Variants in ERBB4 observed in about 807,000 individuals in gnomAD.
ERBB4 encodes the protein receptor tyrosine-protein kinase erbB-4.
Under a neutral mutation model 158.0 loss-of-function variants are expected in ERBB4, and 42 were observed. The ratio of observed to expected loss-of-function variants is 0.27; its 90% CI spans 0.21 to 0.34. The LOEUF (loss-of-function observed/expected upper bound fraction) is 0.34, where lower values mean the gene tolerates loss of function less well. ERBB4 is among the 10% of genes least tolerant of loss of function. The probability of loss-of-function intolerance (pLI) is 1.00; values close to 1 mark genes in which losing one functional copy is unlikely to be tolerated. For synonymous variants in ERBB4, 583 were observed against 558.7 expected, an observed-to-expected ratio of 1.04 and a Z score of -0.61; for missense variants, 1,333 against 1,624.1, an observed-to-expected ratio of 0.82 and a Z score of 3.08.
At chr2:211,745,715 G>GAAAAAAAAAAAAAAAGAAAAAAAAA (rs776012647) in intron 5 of ERBB4, among the ~76,000 whole-genome samples, 1 of 94,394 alleles carries the variant, frequency 1.1e-5, no homozygotes. Context: ...TCCACCGCCA[G>GAAAAAAAAAAAAAAAGAAAAAAAAA]AAAAAAAACA....
At chr2:212,468,252 GT>G (rs1418527196) in intron 1 of ERBB4, among the ~76,000 whole-genome samples, 3 of 152,236 alleles carry the variant, frequency 2.0e-5, no homozygotes, top group South Asian at 2.1e-4. Flanking sequence ...AACATGAATG[GT>G]TTTGAAATGT....
At chr2:212,471,984 G>A (rs777508419) in intron 1 of ERBB4, among the ~76,000 whole-genome samples, 6 of 151,786 alleles carry the variant, frequency 4.0e-5, no homozygotes, top group Non-Finnish European at 5.9e-5. Flanking sequence ...ACTTAAGTAA[G>A]TAACATCTAT....
chr2:212,383,294 T>C (rs1420414802), intron 1 of ERBB4, among the ~76,000 whole-genome samples: 1 of 151,516 alleles, frequency 6.6e-6, no homozygotes, highest in Non-Finnish European at 1.5e-5. Flanking sequence ...GAAAATCTTG[T>C]ATTTATTAAA....
intron 1 of ERBB4, among the ~76,000 whole-genome samples, chr2:212,374,499 G>C (rs74554055): frequency 0.015 from 2,341 of 151,936 alleles, 54 homozygotes; most frequent in African/African-American, 0.054. Context: ...GTGTGTGTGT[G>C]TACACCACAC....
intron 3 of ERBB4, among the ~76,000 whole-genome samples, chr2:211,857,744 G>C (rs1241865067): frequency 1.3e-5 from 2 of 152,120 alleles, no homozygotes; most frequent in Non-Finnish European, 2.9e-5. Context: ...TATTACAAAG[G>C]TATACATGAG....
At chr2:212,044,012 G>A (rs2077199986) in intron 2 of ERBB4, among the ~76,000 whole-genome samples, 1 of 151,660 alleles carries the variant, frequency 6.6e-6, no homozygotes, top group Admixed American at 6.6e-5. Flanking sequence ...CATAATCATC[G>A]AGTGCTATAG....
At position 211,428,478 on chromosome 2, in the gene ERBB4, T is replaced by C; in HGVS notation, c.2649A>G (p.Pro883=). The part of the protein sequence containing the change: ...KEYNADGGKM[P]IKWMALECIH... The stretch of plus-strand genomic sequence containing the variant: ...TACACTCCAGAGCCATCCATTTAAT[T>C]GGCATCTATAGAGAAGTAAGAAGTA... The change falls in exon 22 of 28, where the codon CCA becomes CCG. Residue 883 remains proline (P), a synonymous_variant. Coordinates refer to ENST00000342788, the MANE Select transcript of ERBB4 (RefSeq NM_005235.3). 1 of 1,543,966 alleles carries C rather than the reference T, an allele frequency of 6.5e-7. No individual in the cohort carries two copies. The highest frequency in any genetic ancestry group is 1.7e-4 in the Middle Eastern group (1 of 5,892).
intron 1 of ERBB4, among the ~76,000 whole-genome samples, chr2:212,374,252 G>A (rs956325756): frequency 1.3e-5 from 2 of 151,062 alleles, no homozygotes; most frequent in East Asian, 1.9e-4. Flanking sequence ...TTACATCCAT[G>A]GCTAAAACAT....
At chr2:212,138,001 A>T (rs1380858469) in intron 1 of ERBB4, among the ~76,000 whole-genome samples, 3 of 152,236 alleles carry the variant, frequency 2.0e-5, no homozygotes, top group Non-Finnish European at 4.4e-5. Context: ...TATCTGTAAA[A>T]GGAATAATAA....
At chr2:212,247,663 T>C (rs1340806477) in intron 1 of ERBB4, among the ~76,000 whole-genome samples, 1 of 152,152 alleles carries the variant, frequency 6.6e-6, no homozygotes, top group Non-Finnish European at 1.5e-5. Context: ...CATAGTACTT[T>C]AGAAATAATG....
At chr2:211,627,314 A>G (rs1466610993) in intron 17 of ERBB4, among the ~76,000 whole-genome samples, 1 of 152,256 alleles carries the variant, frequency 6.6e-6, no homozygotes, top group Non-Finnish European at 1.5e-5. Context: ...TTTCATTCAC[A>G]TGTGCAAGAT....
At chr2:212,339,601 C>T (rs2088606955) in intron 1 of ERBB4, among the ~76,000 whole-genome samples, 1 of 152,150 alleles carries the variant, frequency 6.6e-6, no homozygotes, top group African/African-American at 2.4e-5. Flanking sequence ...TGACCAAGGT[C>T]AGAGAATTTT....
rs952654278 is a variant in ERBB4, at chr2:212,137,681, C to G, written c.83-12778G>C. On this transcript the variant is annotated intron_variant, in intron 1 of 27. Coordinates refer to ENST00000342788, the MANE Select transcript of ERBB4 (RefSeq NM_005235.3). The stretch of plus-strand genomic sequence containing the variant: ...ACAGAATGATTTATATTCCTCTGGG[C>G]ATATACCCAGTAATGCGATTGCTGG... 2.6e-5 allele frequency among the ~76,000 whole-genome samples: 4 copies of G among 152,122 alleles called. No homozygotes were observed. In the East Asian group the frequency reaches 7.7e-4, roughly 29 times the overall value.
intron 1 of ERBB4, among the ~76,000 whole-genome samples, chr2:212,496,202 A>C (rs1432818203): frequency 1.3e-5 from 2 of 151,918 alleles, no homozygotes; most frequent in African/African-American, 4.8e-5. Flanking sequence ...AGGATGAAAA[A>C]TTTTCAAGCA....
intron 3 of ERBB4, among the ~76,000 whole-genome samples, chr2:211,836,269 T>C (rs2077339052): frequency 6.6e-6 from 1 of 152,060 alleles, no homozygotes; most frequent in Admixed American, 6.6e-5. Flanking sequence ...TACTCATGGA[T>C]AAAATTGATT....
Position 211,918,769 on chromosome 2 carries a change from C to G in ERBB4, c.421+28661G>C, listed in dbSNP as rs186892126. Reference sequence around the variant, plus strand: ...GTACAATTTACAAAATTTATTTTCCCCTACTCTGGACCCAGTGACATTCAC... The same window carrying G: ...GTACAATTTACAAAATTTATTTTCCGCTACTCTGGACCCAGTGACATTCAC... On this transcript the variant is annotated intron_variant, in intron 3 of 27. Coordinates refer to ENST00000342788, the MANE Select transcript of ERBB4 (RefSeq NM_005235.3). Among the ~76,000 whole-genome samples the G allele has an allele frequency of 4.6e-5, 7 of 152,190 alleles. No individual in the cohort carries two copies. In the East Asian group the frequency reaches 1.3e-3, roughly 29 times the overall value.
chr2:212,343,941 C>T (rs538439404), intron 1 of ERBB4, among the ~76,000 whole-genome samples: 3 of 152,038 alleles, frequency 2.0e-5, no homozygotes, highest in South Asian at 2.1e-4. Context: ...TAAGATGATT[C>T]CAATGCAATT....
chr2:211,491,044 A>T (rs2065329059), intron 20 of ERBB4, among the ~76,000 whole-genome samples: 1 of 152,100 alleles, frequency 6.6e-6, no homozygotes, highest in South Asian at 2.1e-4. Flanking sequence ...TGTCTATTTC[A>T]GGATATCCTG....
At chr2:211,675,962 A>G (rs2072056279) in intron 13 of ERBB4, among the ~76,000 whole-genome samples, 1 of 151,932 alleles carries the variant, frequency 6.6e-6, no homozygotes, top group South Asian at 2.1e-4. Context: ...AGAAACTCCA[A>G]CAAGATCTTA....
Sources: gnomAD v4.1 joint callset for allele counts (sites outside exome capture counted in the v4.1 genomes callset) on GRCh38, gnomAD v4.1.1 for gene constraint, MANE v1.5 for transcripts, NCBI Gene and HGNC (gene_info 2026-07-23, HGNC 2026-07-21) for gene names.